The following IL1RAPL1 variants were observed in gnomAD, a reference collection of about 807,000 sequenced individuals.
The protein encoded by IL1RAPL1 is interleukin-1 receptor accessory protein-like 1.
In IL1RAPL1, 3 loss-of-function variants were observed where a neutral mutation model predicts 48.4. The ratio of observed to expected loss-of-function variants is 0.06; its 90% CI spans 0.03 to 0.16. The LOEUF is 0.16. IL1RAPL1 is among the 10% of genes least tolerant of loss of function. The pLI is 1.00. For synonymous variants in IL1RAPL1, 185 were observed against 187.7 expected (o/e 0.99, Z 0.12); for missense variants, 349 against 530.6 (o/e 0.66, Z 3.36).
rs778251207 is a variant in IL1RAPL1 at position 29,664,186 on chromosome X, C to T, written c.704-4244C>T. 9.9e-5 allele frequency among the ~76,000 whole-genome samples: 11 copies of T among 111,586 alleles called. No homozygotes were observed. In the South Asian group the frequency reaches 3.4e-3, roughly 34 times the overall value. On this transcript the variant is annotated intron_variant, in intron 5 of 10. Coordinates refer to ENST00000378993, the MANE Select transcript of IL1RAPL1 (RefSeq NM_014271.4). Reference sequence around the variant, plus strand: ...TTGGGAGGCCGAGGCAGGCGGATCACGAGGTCAGGAGATCGAGACCAGCCT... The same window carrying T: ...TTGGGAGGCCGAGGCAGGCGGATCATGAGGTCAGGAGATCGAGACCAGCCT...
At chrX:29,935,900 G>A (rs754134788) in intron 8 of IL1RAPL1, among the ~76,000 whole-genome samples, 1 of 111,400 alleles carries the variant, frequency 9.0e-6, no homozygotes, top group African/African-American at 3.3e-5. Context: ...TTGCCCAAAT[G>A]TTTGGTCATA....
At chrX:29,740,426 T>C (rs1009418623) in intron 6 of IL1RAPL1, among the ~76,000 whole-genome samples, 1 of 111,963 alleles carries the variant, frequency 8.9e-6, no homozygotes, top group Non-Finnish European at 1.9e-5. Context: ...AAAACCAAAC[T>C]TGTTATCTTT....
intron 5 of IL1RAPL1, among the ~76,000 whole-genome samples, chrX:29,548,046 A>G (rs1339439787): frequency 2.7e-5 from 3 of 112,536 alleles, no homozygotes; most frequent in East Asian, 2.8e-4. Flanking sequence ...TGCCTTCTAC[A>G]GTCTTCAGCT....
At chrX:28,928,486 T>C (rs769057790) in intron 2 of IL1RAPL1, among the ~76,000 whole-genome samples, 1 of 112,009 alleles carries the variant, frequency 8.9e-6, no homozygotes, top group Non-Finnish European at 1.9e-5. Flanking sequence ...AAATCCTTCA[T>C]GTCCTAACCT....
At chrX:29,096,937 A>G (rs2147460675) in intron 2 of IL1RAPL1, among the ~76,000 whole-genome samples, 1 of 110,486 alleles carries the variant, frequency 9.1e-6, no homozygotes, top group Non-Finnish European at 1.9e-5. Context: ...CTCTGCCAAA[A>G]ATAAAATAAA....
Position 29,880,740 on chromosome X carries a change from C to A in IL1RAPL1, c.779-36724C>A, listed in dbSNP as rs765456123. Reference sequence around the variant, plus strand: ...GTGTCTGATTCTTTTTTTCTTTAAACTGCATTCAAAAGAATAATAAAAGAG... The same window carrying A: ...GTGTCTGATTCTTTTTTTCTTTAAAATGCATTCAAAAGAATAATAAAAGAG... On this transcript the variant is annotated intron_variant, in intron 6 of 10. Coordinates refer to ENST00000378993, the MANE Select transcript of IL1RAPL1 (RefSeq NM_014271.4). Among the ~76,000 whole-genome samples, 3 of 111,193 alleles carry A rather than the reference C, an allele frequency of 2.7e-5. No homozygotes were observed. In the South Asian group the frequency reaches 1.1e-3, roughly 42 times the overall value.
At chrX:29,139,144 T>C (rs986904499) in intron 2 of IL1RAPL1, among the ~76,000 whole-genome samples, 18 of 111,596 alleles carry the variant, frequency 1.6e-4, no homozygotes, top group Non-Finnish European at 3.0e-4. Flanking sequence ...CATTTCTCCA[T>C]TCTACTTGTA....
At position 29,319,562 on chromosome X, in the gene IL1RAPL1, C is replaced by G. The variant is rs761468814; in HGVS notation, c.362+36345C>G. 6.2e-3 allele frequency among the ~76,000 whole-genome samples: 632 copies of G among 101,954 alleles called. 3 individuals carry two copies. The highest frequency in any genetic ancestry group is 0.012 in the East Asian group (38 of 3,153). The allele number at this position is 101,954 out of a possible 115,157, so 88.5% of individuals were successfully genotyped here. A position where few individuals can be genotyped will look rare whatever the true frequency, so the allele number is the denominator to read the frequency against. Reference sequence around the variant, plus strand: ...TGTATGTATGTATGTATGTATGTATCTATCTATCTATCTATCCATCCATCG... The same window carrying G: ...TGTATGTATGTATGTATGTATGTATGTATCTATCTATCTATCCATCCATCG... On this transcript the variant is annotated intron_variant, in intron 3 of 10. Transcript: ENST00000378993.
intron 1 of IL1RAPL1, among the ~76,000 whole-genome samples, chrX:28,682,391 C>T (rs376420187): frequency 1.8e-5 from 2 of 111,073 alleles, no homozygotes; most frequent in African/African-American, 3.3e-5. Flanking sequence ...TCACTGCAAC[C>T]TCCACCTCCC....
chrX:29,636,755 C>A (rs1256252595), intron 5 of IL1RAPL1, among the ~76,000 whole-genome samples: 1 of 111,590 alleles, frequency 9.0e-6, no homozygotes, highest in East Asian at 2.8e-4. Context: ...AAATTAGGAA[C>A]AGGCTGGGCA....
chrX:28,679,614 C>G (rs1281147509), intron 1 of IL1RAPL1, among the ~76,000 whole-genome samples: 1 of 111,229 alleles, frequency 9.0e-6, no homozygotes, highest in African/African-American at 3.3e-5. Flanking sequence ...AATATTTAAC[C>G]ACTTTGAACT....
chrX:29,915,159 G>A (rs749610986), intron 6 of IL1RAPL1, among the ~76,000 whole-genome samples: 3 of 111,873 alleles, frequency 2.7e-5, no homozygotes, highest in South Asian at 3.7e-4. Flanking sequence ...TTAGTCGGGC[G>A]TGGTGGCACG....
At chrX:29,482,994 C>A (rs1935057318) in intron 5 of IL1RAPL1, among the ~76,000 whole-genome samples, 2 of 112,153 alleles carry the variant, frequency 1.8e-5, no homozygotes, top group Non-Finnish European at 3.8e-5. Flanking sequence ...TGGCTTTTAT[C>A]TGATGCCAAA....
At chrX:29,410,042 G>A (rs1333599563) in intron 5 of IL1RAPL1, among the ~76,000 whole-genome samples, 1 of 110,056 alleles carries the variant, frequency 9.1e-6, no homozygotes, top group Non-Finnish European at 1.9e-5. Context: ...GGCTGGTCTC[G>A]AACTCCCAAC....
intron 6 of IL1RAPL1, among the ~76,000 whole-genome samples, chrX:29,675,613 A>G (rs1464888734): frequency 1.8e-5 from 2 of 111,698 alleles, no homozygotes; most frequent in African/African-American, 6.5e-5. Context: ...TTTTTGAGAC[A>G]GAGTCTTGCT....
chrX:28,812,731 T>C (rs73630096), intron 2 of IL1RAPL1, among the ~76,000 whole-genome samples: 2,926 of 110,784 alleles, frequency 0.026, 85 homozygotes, highest in African/African-American at 0.09. Context: ...ATAAAACAAA[T>C]AAAACAGATA....
intron 1 of IL1RAPL1, among the ~76,000 whole-genome samples, chrX:28,625,127 T>C (rs749456208): frequency 1.8e-5 from 2 of 111,666 alleles, no homozygotes; most frequent in South Asian, 3.8e-4. Flanking sequence ...GGAAAGACTT[T>C]TCGCTTCTCA....
chrX:29,519,278 C>A (rs1420617930), intron 5 of IL1RAPL1, among the ~76,000 whole-genome samples: 1 of 111,463 alleles, frequency 9.0e-6, no homozygotes, highest in East Asian at 2.8e-4. Context: ...GCGAGAGGTC[C>A]AAATTTTCTC....
chrX:29,281,351 G>T (rs914842040), intron 2 of IL1RAPL1, among the ~76,000 whole-genome samples: 4 of 111,683 alleles, frequency 3.6e-5, no homozygotes, highest in Non-Finnish European at 7.5e-5. Context: ...CAACTTCTCT[G>T]TGATGATGAT....
Sources: allele counts gnomAD v4.1 joint callset (sites outside exome capture counted in the v4.1 genomes callset), GRCh38; gene constraint gnomAD v4.1.1; transcripts MANE v1.5; gene names NCBI Gene and HGNC (gene_info 2026-07-23, HGNC 2026-07-21).